The following SOCS5 variants were observed in gnomAD, a reference collection of about 807,000 sequenced individuals.
The protein encoded by SOCS5 is suppressor of cytokine signaling 5, also known as CIS-6.
Under a neutral mutation model 42.8 loss-of-function variants are expected in SOCS5, and 32 were observed. The observed-to-expected ratio is 0.75, with a 90% CI of 0.56 to 1.01. The LOEUF is 1.01. Among genes scored for constraint, SOCS5 ranks in the 50% least tolerant of loss-of-function variants. The pLI, the probability that SOCS5 is intolerant of heterozygous loss-of-function variation, is 0.00. For synonymous variants in SOCS5, 283 were observed against 229.6 expected (o/e 1.23, Z -2.10); for missense variants, 627 against 653.0 (o/e 0.96, Z 0.43).
chr2:46,741,813 A>G (rs1017245705), intron 1 of SOCS5, among the ~76,000 whole-genome samples: 3 of 152,140 alleles, frequency 2.0e-5, no homozygotes, highest in Admixed American at 2.0e-4. Context: ...ATTATTGCCA[A>G]TTTTTTCCTA....
chr2:46,723,906 AG>A (rs994367004), intron 1 of SOCS5, among the ~76,000 whole-genome samples: 1 of 151,954 alleles, frequency 6.6e-6, no homozygotes, highest in African/African-American at 2.4e-5. Flanking sequence ...TGAATGTGGT[AG>A]CTCTCTGCTT....
At chr2:46,705,004 G>A (rs901692237) in intron 1 of SOCS5, among the ~76,000 whole-genome samples, 1 of 152,134 alleles carries the variant, frequency 6.6e-6, no homozygotes, top group African/African-American at 2.4e-5. Flanking sequence ...CCATGTGCTG[G>A]GAAGATGGCA....
rs1299231511 is a variant in SOCS5 at position 46,763,062 on chromosome 2, A to G, written c.*2921A>G. ...ATTCTTGTACTATTCGAATTTTATT[A>G]TCTGCACTAAAAGTTTAGCCTTGCT... On this transcript the variant is annotated 3_prime_UTR_variant, in exon 2 of 2. Coordinates refer to ENST00000394861, the MANE Select transcript of SOCS5 (RefSeq NM_144949.3). The G allele has an allele frequency of 6.0e-6, 1 of 167,100 alleles. No homozygotes were observed. Among genetic ancestry groups the G allele is most frequent in the African/African-American group, 2.4e-5 (1 of 41,464 alleles). The allele number at this position is 167,100 out of a possible 1,614,324, so 10.4% of individuals were successfully genotyped here. A position where few individuals can be genotyped will look rare whatever the true frequency, so the allele number is the denominator to read the frequency against.
chr2:46,704,600 T>A (rs769075546), intron 1 of SOCS5, among the ~76,000 whole-genome samples: 4 of 152,208 alleles, frequency 2.6e-5, no homozygotes, highest in Non-Finnish European at 5.9e-5. Context: ...ATGTACTGTA[T>A]ACAGTTTGCT....
intron 1 of SOCS5, among the ~76,000 whole-genome samples, chr2:46,754,821 T>C (rs907930606): frequency 6.6e-6 from 1 of 152,196 alleles, no homozygotes; most frequent in Non-Finnish European, 1.5e-5. Flanking sequence ...AAATCATTTT[T>C]AAAAGGCCAG....
At chr2:46,705,919 A>T (rs888957308) in intron 1 of SOCS5, among the ~76,000 whole-genome samples, 1 of 152,226 alleles carries the variant, frequency 6.6e-6, no homozygotes, top group Non-Finnish European at 1.5e-5. Context: ...ACAGAACAAG[A>T]TAATGCATTT....
intron 1 of SOCS5, among the ~76,000 whole-genome samples, chr2:46,728,611 C>T (rs1250660102): frequency 6.6e-6 from 1 of 152,150 alleles, no homozygotes; most frequent in African/African-American, 2.4e-5. Context: ...GGCTGGAGTG[C>T]AATGCTGCTA....
intron 1 of SOCS5, among the ~76,000 whole-genome samples, chr2:46,743,429 A>T (rs931255109): frequency 6.6e-6 from 1 of 152,168 alleles, no homozygotes; most frequent in Non-Finnish European, 1.5e-5. Context: ...TAACTTCCTG[A>T]CATTGCCATG....
chr2:46,727,940 A>G (rs1476091487), intron 1 of SOCS5, among the ~76,000 whole-genome samples: 2 of 147,050 alleles, frequency 1.4e-5, no homozygotes, highest in South Asian at 4.6e-4. Flanking sequence ...TACAGAGAGG[A>G]AAAAAAAGTT....
Position 46,759,937 on chromosome 2 carries a change from A to G in SOCS5, c.1407A>G (p.Glu469=), listed in dbSNP as rs771158810. The G allele has an allele frequency of 2.9e-5, 47 of 1,613,876 alleles. No homozygotes were observed. The highest frequency in any genetic ancestry group is 3.7e-5 in the Non-Finnish European group (44 of 1,180,008). ...YKDPSSCMFF[E]PLLTISLNRT... ...ATCCCAGTTCGTGCATGTTTTTTGA[A>G]CCATTGCTTACTATATCACTAAATA... The change falls in exon 2 of 2, where the codon GAA becomes GAG. Residue 469 remains glutamate, a synonymous_variant. Coordinates refer to ENST00000394861, the MANE Select transcript of SOCS5 (RefSeq NM_144949.3).
intron 1 of SOCS5, among the ~76,000 whole-genome samples, chr2:46,740,630 G>C (rs1473222501): frequency 6.6e-6 from 1 of 152,184 alleles, no homozygotes; most frequent in Non-Finnish European, 1.5e-5. Context: ...TCTAGAAGCA[G>C]AGATACCAGC....
chr2:46,713,387 T>G (rs1472996640), intron 1 of SOCS5, among the ~76,000 whole-genome samples: 6 of 152,314 alleles, frequency 3.9e-5, no homozygotes, highest in Admixed American at 1.3e-4. Flanking sequence ...CAGATTTTCT[T>G]TTTCTTTTTT....
At chr2:46,709,419 A>G (rs1672565678) in intron 1 of SOCS5, among the ~76,000 whole-genome samples, 1 of 152,348 alleles carries the variant, frequency 6.6e-6, no homozygotes, top group South Asian at 2.1e-4. Flanking sequence ...AAGATCTTCA[A>G]GTGCTGAAGG....
chr2:46,748,856 C>G (rs1020455203), intron 1 of SOCS5, among the ~76,000 whole-genome samples: 1 of 152,180 alleles, frequency 6.6e-6, no homozygotes, highest in African/African-American at 2.4e-5. Flanking sequence ...CATTTGCTCA[C>G]TTACCATTGG....
At chr2:46,744,264 A>G (rs1431015918) in intron 1 of SOCS5, among the ~76,000 whole-genome samples, 2 of 152,226 alleles carry the variant, frequency 1.3e-5, no homozygotes, top group African/African-American at 2.4e-5. Flanking sequence ...TTCTGGGATT[A>G]CAGGCATGAG....
Position 46,763,082 on chromosome 2 carries a change from C to T in SOCS5, c.*2941C>T, listed in dbSNP as rs1673910709. 6.0e-6 allele frequency: 1 copy of T among 167,066 alleles called. No homozygotes were observed. The allele number at this position is 167,066 out of a possible 1,614,324, so 10.3% of individuals were successfully genotyped here. On this transcript the variant is annotated 3_prime_UTR_variant, in exon 2 of 2. Transcript: ENST00000394861. ...TTATTATCTGCACTAAAAGTTTAGC[C>T]TTGCTACTTTAGCCTTGTTTATAAT...
intron 1 of SOCS5, among the ~76,000 whole-genome samples, chr2:46,735,376 C>T (rs1181640560): frequency 6.6e-6 from 1 of 152,150 alleles, no homozygotes; most frequent in Non-Finnish European, 1.5e-5. Context: ...AAGCCTCCCA[C>T]ACCATGTATC....
In SOCS5 at chr2:46,753,349, A is replaced by G. The variant is rs189698801; in HGVS notation, c.-12-5170A>G. On this transcript the variant is annotated intron_variant, in intron 1 of 1. Transcript: ENST00000394861. ...CTTGCTACTCAATCCTGGTACTACT[A>G]CAAATTTTAATTATGATTGTTAAGG... is the stretch of plus-strand genomic sequence containing the variant. Among the ~76,000 whole-genome samples, 319 of 152,288 alleles carry G rather than the reference A, an allele frequency of 2.1e-3. No homozygotes were observed. In the Middle Eastern group the frequency reaches 0.027, roughly 13 times the overall value.
chr2:46,703,425 ACT>A (rs1362426364), intron 1 of SOCS5, among the ~76,000 whole-genome samples: 8 of 151,856 alleles, frequency 5.3e-5, no homozygotes, highest in Admixed American at 4.6e-4. Context: ...CTTTTGGTTA[ACT>A]CTCATAATAA....
Sources: gnomAD v4.1 joint callset for allele counts (sites outside exome capture counted in the v4.1 genomes callset) on GRCh38, gnomAD v4.1.1 for gene constraint, MANE v1.5 for transcripts, NCBI Gene and HGNC (gene_info 2026-07-23, HGNC 2026-07-21) for gene names.